The following MDM1 variants were observed in gnomAD, a reference collection of about 807,000 sequenced individuals.
MDM1 encodes the protein stabilizer of axonemal microtubules 6.
Under a neutral mutation model 89.1 loss-of-function variants are expected in MDM1, and 61 were observed. The ratio of observed to expected loss-of-function variants is 0.68; its 90% CI spans 0.56 to 0.85. MDM1 has a LOEUF of 0.85. MDM1 is among the 40% of genes least tolerant of loss of function. MDM1 has a pLI of 0.00. For synonymous variants in MDM1, 290 were observed against 294.1 expected, an observed-to-expected ratio of 0.99 and a Z score of 0.14; for missense variants, 820 against 846.5, an observed-to-expected ratio of 0.97 and a Z score of 0.39.
chr12:68,305,460 G>GA (rs1243171305), intron 12 of MDM1, among the ~76,000 whole-genome samples: 4 of 152,018 alleles, frequency 2.6e-5, no homozygotes, highest in African/African-American at 7.2e-5. Flanking sequence ...AGAAAAAGAG[G>GA]AAGTCAAATT....
At chr12:68,323,944 T>C (rs925048764) in intron 4 of MDM1, among the ~76,000 whole-genome samples, 12 of 152,156 alleles carry the variant, frequency 7.9e-5, no homozygotes, top group African/African-American at 2.9e-4. Flanking sequence ...TCTGACTCCT[T>C]TACATATTAA....
chr12:68,315,220 T>G lies in MDM1; in HGVS notation c.1257A>C (p.Glu419Asp). 6.2e-7 allele frequency: 1 copy of G among 1,614,210 alleles called. No individual in the cohort carries two copies. The highest frequency in any genetic ancestry group is 8.5e-7 in the Non-Finnish European group (1 of 1,180,044). The change falls in exon 10 of 15, where the codon GAA becomes GAC. Residue 419 changes from glutamate (E) to aspartate (D), a missense_variant. By Grantham distance (45) the Glu-to-Asp change is conservative (BLOSUM62 2). Coordinates refer to ENST00000682720, the MANE Select transcript of MDM1 (RefSeq NM_001354969.2). ...CCACGATATTTCCTTTTTCTTCTGG[T>G]TCTGTAGAAGGACATTTCTGCAAAG... ...HKTLQKCPST[E>D]PEEKGNIVEE...
At chr12:68,320,088 G>A (rs1445342161) in intron 7 of MDM1, among the ~76,000 whole-genome samples, 3 of 152,112 alleles carry the variant, frequency 2.0e-5, no homozygotes, top group African/African-American at 7.2e-5. Context: ...ACAGGCCAGC[G>A]GCTGACATCA....
At chr12:68,324,690 C>T (rs1037804747) in intron 4 of MDM1, among the ~76,000 whole-genome samples, 4 of 152,106 alleles carry the variant, frequency 2.6e-5, no homozygotes, top group Admixed American at 6.5e-5. Context: ...AAGAAAAACA[C>T]GAAGACCAGA....
chr12:68,321,325 T>C, intron 7 of MDM1, 22 bp downstream of exon 7: 1 of 1,582,356 alleles, frequency 6.3e-7, no homozygotes, highest in Non-Finnish European at 8.6e-7. Context: ...CATGTAGGCT[T>C]ATTGAGGTCA....
At chr12:68,319,467 G>A (rs1874934927) in intron 7 of MDM1, among the ~76,000 whole-genome samples, 1 of 152,200 alleles carries the variant, frequency 6.6e-6, no homozygotes, top group South Asian at 2.1e-4. Flanking sequence ...CATGTGAGGA[G>A]TGTGAATACA....
Position 68,316,585 on chromosome 12 carries a change from G to A in MDM1, c.1031C>T (p.Ala344Val), listed in dbSNP as rs1337866829. The A allele has an allele frequency of 6.5e-7, 1 of 1,534,586 alleles. No individual in the cohort carries two copies. The highest frequency in any genetic ancestry group is 2.4e-5 in the East Asian group (1 of 40,870). Residue 344 changes from alanine (A) to valine (V), a missense_variant, in exon 8 of 15, where the codon GCT becomes GTT. Coordinates refer to ENST00000682720, the MANE Select transcript of MDM1 (RefSeq NM_001354969.2). ...AAAAACTCAAAAGCAACCAACCTCA[G>A]CATACCACATGGCATTTAGAGAACC... ...NQGSLNAMWY[A>V]EVKELREKAE...
At chr12:68,302,990 ATTTAT>A in intron 12 of MDM1, 118 bp from the exon 13 acceptor site, 3 of 771,000 alleles carry the variant, frequency 3.9e-6, no homozygotes, top group Non-Finnish European at 5.8e-6. Context: ...ATATGAGAGA[ATTTAT>A]GCAACATCTA....
In MDM1 at chr12:68,321,295, G is replaced by A. The variant is rs182467955; in HGVS notation, c.1005+52C>T. 2,662 of 1,419,120 alleles carry A rather than the reference G, an allele frequency of 1.9e-3. 6 individuals carry two copies. Among genetic ancestry groups the A allele is most frequent in the Non-Finnish European group, 2.4e-3 (2,506 of 1,026,676 alleles). The allele number at this position is 1,419,120 out of a possible 1,614,324, so 87.9% of individuals were successfully genotyped here. A position where few individuals can be genotyped will look rare whatever the true frequency, so the allele number is the denominator to read the frequency against. On this transcript the variant is annotated intron_variant, in intron 7 of 14. Transcript: ENST00000682720. ...AAGGAACTCGTTGTGAAATTAAAGT[G>A]TTAACAGAGGCTGAAAGAACATGTA...
At position 68,302,713 on chromosome 12, in the gene MDM1, C is replaced by T; in HGVS notation, c.1909G>A (p.Gly637Arg). 1 of 1,613,726 alleles carries T rather than the reference C, an allele frequency of 6.2e-7. No homozygotes were observed. Among genetic ancestry groups the T allele is most frequent in the Non-Finnish European group, 8.5e-7 (1 of 1,179,930 alleles). ...KIPKYPTNPP[G>R]QLPSPPHVPS... is the part of the protein sequence containing the mutation. ...ACATGTGGTGGAGAAGGCAACTGTC[C>T]AGGGGGATTTGTTGGGTATTTTGGA... is the stretch of plus-strand genomic sequence containing the variant. The change falls in exon 13 of 15, where the codon GGA becomes AGA. Residue 637 changes from glycine (G) to arginine (R), a missense_variant. By Grantham distance (125) the Gly-to-Arg change is moderately radical. Coordinates refer to ENST00000682720, the MANE Select transcript of MDM1 (RefSeq NM_001354969.2).
chr12:68,322,067 ATG>A (rs562425226), intron 5 of MDM1, among the ~76,000 whole-genome samples: 19 of 152,280 alleles, frequency 1.2e-4, no homozygotes, highest in African/African-American at 4.3e-4. Flanking sequence ...GGCCTAATAT[ATG>A]TGTGTGTGTA....
In MDM1 at chr12:68,313,425, T is replaced by G; in HGVS notation, c.1749+18A>C. On this transcript the variant is annotated intron_variant, in intron 12 of 14. Transcript: ENST00000682720. ...ATTAGTCCTAGATGAGATGCTTTTTTCCCCAAAACATGTTTACCTTAGTAA... is the reference window on the plus strand; with the variant it reads ...ATTAGTCCTAGATGAGATGCTTTTTGCCCCAAAACATGTTTACCTTAGTAA... The G allele has an allele frequency of 1.3e-6, 2 of 1,549,602 alleles. No homozygotes were observed. The highest frequency in any genetic ancestry group is 1.8e-6 in the Non-Finnish European group (2 of 1,123,738).
At chr12:68,296,327 A>G (rs143868922) in intron 14 of MDM1, among the ~76,000 whole-genome samples, 36 of 152,214 alleles carry the variant, frequency 2.4e-4, no homozygotes, top group African/African-American at 5.8e-4. Context: ...GTGAAACCCC[A>G]TCTCTACTAA....
intron 7 of MDM1, 158 bp downstream of exon 7, chr12:68,321,189 T>G (rs1279004241): frequency 2.2e-6 from 1 of 451,636 alleles, no homozygotes; most frequent in Non-Finnish European, 3.8e-6. Flanking sequence ...AATGATAATT[T>G]ACATTCTAAT....
chr12:68,331,372 A>C, intron 1 of MDM1, 151 bp from the exon 2 acceptor site: 1 of 635,222 alleles, frequency 1.6e-6, no homozygotes, highest in Non-Finnish European at 2.8e-6. Flanking sequence ...GCTAATATTC[A>C]CCCAGCCCTG....
intron 7 of MDM1, among the ~76,000 whole-genome samples, chr12:68,318,069 T>G (rs900583568): frequency 6.6e-5 from 10 of 152,302 alleles, no homozygotes; most frequent in Admixed American, 2.6e-4. Flanking sequence ...CTGTCCTGAG[T>G]GCAGACTAAG....
At chr12:68,330,855 G>A (rs992429280) in intron 2 of MDM1, 6 of 456,748 alleles carry the variant, frequency 1.3e-5, no homozygotes, top group Admixed American at 7.4e-5. Flanking sequence ...AGTCAGTACC[G>A]AAACAGTTGT....
chr12:68,313,479 C>G lies in MDM1; in HGVS notation c.1713G>C (p.Gln571His), dbSNP rs201912882. The G allele has an allele frequency of 1.9e-5, 31 of 1,613,800 alleles. No homozygotes were observed. The highest frequency in any genetic ancestry group is 3.3e-5 in the Admixed American group (2 of 60,000). Reference protein sequence around the residue: ...APEQRKRMTSQDCLETSKNDF... With the variant: ...APEQRKRMTSHDCLETSKNDF... ...CATTCTTTGAAGTTTCTAAACAATC[C>G]TGAGAGGTCATTCTTTTCCTCTGTT... Residue 571 changes from glutamine to histidine, a missense_variant, in exon 12 of 15, where the codon CAG (glutamine) becomes CAC (histidine). Transcript: ENST00000682720.
rs35426557 is a variant in MDM1 at position 68,302,881 on chromosome 12, CAAAAAAAAAAA to C, written c.1750-20_1750-10del. Reference sequence around the variant, plus strand: ...ACAGCACGACTTTCTTTCTAAATGACAAAAAAAAAAAAAAAAAAAAGATGCCTATGTGTAGA... The same window carrying C: ...ACAGCACGACTTTCTTTCTAAATGACAAAAAAAAAGATGCCTATGTGTAGA... On this transcript the variant is annotated splice_polypyrimidine_tract_variant and intron_variant, in intron 12 of 14. Transcript: ENST00000682720. The C allele has an allele frequency of 1.8e-6, 2 of 1,105,782 alleles. No homozygotes were observed. The highest frequency in any genetic ancestry group is 2.0e-5 in the African/African-American group (1 of 49,772). The allele number at this position is 1,105,782 out of a possible 1,614,324, so 68.5% of individuals were successfully genotyped here.
Sources: allele counts gnomAD v4.1 joint callset (sites outside exome capture counted in the v4.1 genomes callset), GRCh38; gene constraint gnomAD v4.1.1; transcripts MANE v1.5; gene names NCBI Gene and HGNC (gene_info 2026-07-23, HGNC 2026-07-21).